Variants in CPNE4 observed in about 807,000 individuals in gnomAD.
CPNE4 encodes the protein copine-4.
CPNE4 carries 25 observed loss-of-function variants against 67.9 expected under a neutral mutation model. The ratio of observed to expected loss-of-function variants is 0.37; its 90% confidence interval spans 0.27 to 0.51. The LOEUF is 0.51. Among genes scored for constraint, CPNE4 ranks in the 20% least tolerant of loss-of-function variants. The pLI, the probability that CPNE4 is intolerant of heterozygous loss-of-function variation, is 0.93. For missense variants in CPNE4, 464 were observed against 690.8 expected (o/e 0.67, Z 3.68); for synonymous variants, 242 against 244.9 (o/e 0.99, Z 0.11).
chr3:131,849,229 A>G (rs1442195420), intron 2 of CPNE4, among the ~76,000 whole-genome samples: 2 of 152,082 alleles, frequency 1.3e-5, no homozygotes, highest in Non-Finnish European at 2.9e-5. Context: ...TCCTTTGTCC[A>G]TAGAATATAG....
chr3:131,910,231 G>T (rs1310358065), intron 1 of CPNE4, among the ~76,000 whole-genome samples: 1 of 151,992 alleles, frequency 6.6e-6, no homozygotes, highest in African/African-American at 2.4e-5. Context: ...TGCAGTTCTG[G>T]GGAAGGGGGG....
At chr3:131,773,711 T>G (rs1158800130) in intron 2 of CPNE4, among the ~76,000 whole-genome samples, 2 of 152,172 alleles carry the variant, frequency 1.3e-5, no homozygotes, top group Non-Finnish European at 2.9e-5. Context: ...TATGCACATA[T>G]AGCCACTATA....
chr3:131,897,850 C>G (rs772381712), intron 2 of CPNE4, among the ~76,000 whole-genome samples: 1 of 151,878 alleles, frequency 6.6e-6, no homozygotes, highest in Non-Finnish European at 1.5e-5. Flanking sequence ...TATGATTGCA[C>G]CACTGCACTC....
At chr3:131,623,654 G>A (rs1164771783) in intron 7 of CPNE4, among the ~76,000 whole-genome samples, 2 of 152,180 alleles carry the variant, frequency 1.3e-5, no homozygotes, top group African/African-American at 4.8e-5. Flanking sequence ...CTGGTGTGGA[G>A]CAGTGTGATC....
chr3:131,552,512 A>G, intron 12 of CPNE4, 21 bp from the exon 13 acceptor site: 1 of 1,602,832 alleles, frequency 6.2e-7, no homozygotes. Flanking sequence ...ATTAAAATTT[A>G]AAAAACAGGA....
intron 6 of CPNE4, among the ~76,000 whole-genome samples, chr3:131,680,128 A>G (rs1322062354): frequency 6.6e-6 from 1 of 152,110 alleles, no homozygotes; most frequent in Non-Finnish European, 1.5e-5. Flanking sequence ...GTGCATACAT[A>G]TTTAGGATAG....
chr3:131,998,002 A>G (rs2073338882), intron 1 of CPNE4, among the ~76,000 whole-genome samples: 1 of 152,048 alleles, frequency 6.6e-6, no homozygotes, highest in South Asian at 2.1e-4. Flanking sequence ...CTTAGGCCCC[A>G]CCTCCCAACA....
intron 1 of CPNE4, among the ~76,000 whole-genome samples, chr3:131,932,753 T>C (rs2071104519): frequency 6.6e-6 from 1 of 150,448 alleles, no homozygotes; most frequent in Non-Finnish European, 1.5e-5. Flanking sequence ...CACGGTGAAA[T>C]AGCAGAATGA....
chr3:131,812,118 C>T (rs553820553), intron 2 of CPNE4, among the ~76,000 whole-genome samples: 1 of 151,752 alleles, frequency 6.6e-6, no homozygotes, highest in South Asian at 2.1e-4. Flanking sequence ...ACCCTATACC[C>T]TAACTTTTAG....
At chr3:131,619,039 A>C (rs1480970934) in intron 7 of CPNE4, among the ~76,000 whole-genome samples, 1 of 152,190 alleles carries the variant, frequency 6.6e-6, no homozygotes, top group African/African-American at 2.4e-5. Context: ...CCCATAGAGT[A>C]GGAGGAAAAT....
intron 2 of CPNE4, among the ~76,000 whole-genome samples, chr3:131,781,867 C>T (rs1359815873): frequency 1.3e-5 from 2 of 152,088 alleles, no homozygotes; most frequent in African/African-American, 2.4e-5. Context: ...ACAAAAACCT[C>T]ACCACCCAGG....
chr3:131,737,141 T>TTTTTTTTA (rs1491475059), intron 2 of CPNE4, among the ~76,000 whole-genome samples: 1 of 106,028 alleles, frequency 9.4e-6, no homozygotes, highest in African/African-American at 3.6e-5. Context: ...TTTTTTTTTT[T>TTTTTTTTA]GAGAGGGAGT....
chr3:131,551,180 A>G (rs920546855), intron 13 of CPNE4, among the ~76,000 whole-genome samples: 2 of 152,098 alleles, frequency 1.3e-5, no homozygotes, highest in South Asian at 2.1e-4. Flanking sequence ...GGTATTTTAG[A>G]TGAGCAAGTT....
At chr3:131,770,046 C>A (rs1285559700) in intron 2 of CPNE4, among the ~76,000 whole-genome samples, 2 of 152,138 alleles carry the variant, frequency 1.3e-5, no homozygotes, top group African/African-American at 4.8e-5. Context: ...GAAACGACCT[C>A]AAGTTCTGTC....
intron 2 of CPNE4, among the ~76,000 whole-genome samples, chr3:131,871,229 C>T (rs553341485): frequency 3.3e-5 from 5 of 152,254 alleles, no homozygotes; most frequent in African/African-American, 9.6e-5. Context: ...TCTTACAATT[C>T]CATCAACTGA....
At chr3:131,581,554 C>G in intron 9 of CPNE4, 25 bp downstream of exon 9, 4 of 1,520,152 alleles carry the variant, frequency 2.6e-6, no homozygotes, top group Non-Finnish European at 3.7e-6. Context: ...CTTCATACTC[C>G]TGGAAGAGAG....
intron 7 of CPNE4, among the ~76,000 whole-genome samples, chr3:131,617,985 A>G (rs1366990924): frequency 6.6e-6 from 1 of 152,222 alleles, no homozygotes; most frequent in Non-Finnish European, 1.5e-5. Flanking sequence ...ATACTGTGCT[A>G]AATGCTGAAG....
rs370273836 is a variant in CPNE4 at position 131,606,745 on chromosome 3, G to T, written c.682-19163C>A. Among the ~76,000 whole-genome samples, 11 of 152,234 alleles carry T rather than the reference G, an allele frequency of 7.2e-5. No individual in the cohort carries two copies. In the East Asian group the frequency reaches 7.7e-4, roughly 11 times the overall value. On this transcript the variant is annotated intron_variant, in intron 7 of 15. Coordinates refer to ENST00000429747, the MANE Select transcript of CPNE4 (RefSeq NM_130808.3). ...TGGATCCTGGGTTCTCCTCACTGCA[G>T]AATTGGCTGCTGGCTGGGACCTTAT...
At chr3:131,732,534 C>T (rs2082151284) in intron 2 of CPNE4, among the ~76,000 whole-genome samples, 1 of 152,182 alleles carries the variant, frequency 6.6e-6, no homozygotes, top group Admixed American at 6.5e-5. Context: ...CCTCTGTCTA[C>T]AGGCCCTCCT....
Sources: gnomAD v4.1 joint callset for allele counts (sites outside exome capture counted in the v4.1 genomes callset) on GRCh38, gnomAD v4.1.1 for gene constraint, MANE v1.5 for transcripts, NCBI Gene and HGNC (gene_info 2026-07-23, HGNC 2026-07-21) for gene names.